The following ARPIN variants were observed in gnomAD, a reference collection of about 807,000 sequenced individuals.
ARPIN encodes actin related protein 2/3 complex inhibitor, also known as UPF0552 protein C15orf38.
Under a neutral mutation model 25.9 loss-of-function variants are expected in ARPIN, and 23 were observed. The ratio of observed to expected loss-of-function variants is 0.89; its 90% confidence interval spans 0.64 to 1.26. ARPIN has a LOEUF of 1.26. ARPIN is among the 50% of genes most tolerant of loss of function. ARPIN has a pLI of 0.00. For missense variants in ARPIN, 333 were observed against 312.2 expected, an observed-to-expected ratio of 1.07 and a Z score of -0.50; for synonymous variants, 126 against 131.4, an observed-to-expected ratio of 0.96 and a Z score of 0.28.
chr15:89,896,769 G>GA lies in ARPIN; in HGVS notation c.*5025dup, dbSNP rs1338641031. On this transcript the variant is annotated 3_prime_UTR_variant, in exon 6 of 6. Transcript: ENST00000357484. ...AAGGGAGAAATACAGCTAGGAAAAGGAAAAAATGTTTAAGCTCACTATAAG... is the reference window on the plus strand; with the variant it reads ...AAGGGAGAAATACAGCTAGGAAAAGGAAAAAAATGTTTAAGCTCACTATAAG... The GA allele has an allele frequency of 7.9e-5, 12 of 152,196 alleles. No individual in the cohort carries two copies. The highest frequency in any genetic ancestry group is 1.6e-4 in the Non-Finnish European group (11 of 67,990). The allele number at this position is 152,196 out of a possible 1,614,324, so 9.4% of individuals were successfully genotyped here. A position where few individuals can be genotyped will look rare whatever the true frequency, so the allele number is the denominator to read the frequency against.
At position 89,903,196 on chromosome 15, in the gene ARPIN, C is replaced by T. The variant is rs1897052081; in HGVS notation, c.672+20G>A. On this transcript the variant is annotated intron_variant, in intron 5 of 5. Coordinates refer to ENST00000357484, the MANE Select transcript of ARPIN (RefSeq NM_182616.4). ...ATGCTCCTGCCAGGAGATACAACTG[C>T]ACCAACACCAGGTACCTACCCACTC... 2.5e-6 allele frequency: 4 copies of T among 1,614,088 alleles called. No homozygotes were observed. The highest frequency in any genetic ancestry group is 2.5e-6 in the Non-Finnish European group (3 of 1,180,044).
At position 89,910,812 on chromosome 15, in the gene ARPIN, C is replaced by T. The variant is rs751920943; in HGVS notation, c.100G>A (p.Gly34Ser). 47 of 1,613,990 alleles carry T rather than the reference C, an allele frequency of 2.9e-5. No homozygotes were observed. In the South Asian group the frequency reaches 4.6e-4, roughly 16 times the overall value. Residue 34 changes from glycine (G) to serine (S), a missense_variant, in exon 2 of 6, where the codon GGT becomes AGT. By Grantham distance (56) the Gly-to-Ser change is moderately conservative (BLOSUM62 0). Transcript: ENST00000357484. ...WDPAAHQGGN[G>S]VLLEGELIDV... ...ATCAGTTCTCCCTCCAGCAGGACAC[C>T]ATTTCCCCTGGGGATGAAAGGGAAA...
chr15:89,908,787 G>A (rs994367835), intron 2 of ARPIN, among the ~76,000 whole-genome samples: 1 of 152,044 alleles, frequency 6.6e-6, no homozygotes, highest in Non-Finnish European at 1.5e-5. Context: ...TTCGAGACCA[G>A]CCTGGCCAGC....
rs772920515 is a variant in ARPIN, at chr15:89,910,728, G to T, written c.168+16C>A. The T allele has an allele frequency of 1.2e-6, 2 of 1,614,026 alleles. No individual in the cohort carries two copies. Among genetic ancestry groups the T allele is most frequent in the South Asian group, 2.2e-5 (2 of 91,070 alleles). ...AAGTCAGTGCCCTCTAGCTAGCACC[G>T]AGGAAGCATCCTCACCTTCCTGCCA... On this transcript the variant is annotated intron_variant, in intron 2 of 5. Coordinates refer to ENST00000357484, the MANE Select transcript of ARPIN (RefSeq NM_182616.4).
rs1401242709 is a variant in ARPIN, at chr15:89,895,699, G to C, written c.*6096C>G. On this transcript the variant is annotated 3_prime_UTR_variant, in exon 6 of 6. Coordinates refer to ENST00000357484, the MANE Select transcript of ARPIN (RefSeq NM_182616.4). ...CAAGTTTTCCTTTTTTTCCTTCAAA[G>C]AAATATGTACTACTTTTGCAGCCAG... is the stretch of plus-strand genomic sequence containing the variant. 2 of 152,196 alleles carry C rather than the reference G, an allele frequency of 1.3e-5. No homozygotes were observed. The highest frequency in any genetic ancestry group is 6.5e-5 in the Admixed American group (1 of 15,278). The allele number at this position is 152,196 out of a possible 1,614,324, so 9.4% of individuals were successfully genotyped here. A position where few individuals can be genotyped will look rare whatever the true frequency, so the allele number is the denominator to read the frequency against.
chr15:89,903,150 C>T, intron 5 of ARPIN, 66 bp downstream of exon 5: 1 of 1,614,090 alleles, frequency 6.2e-7, no homozygotes, highest in Non-Finnish European at 8.5e-7. Flanking sequence ...ATCCTACCCA[C>T]AACCTCAACC....
chr15:89,912,658 C>T, intron 1 of ARPIN, 86 bp downstream of exon 1: 1 of 1,165,998 alleles, frequency 8.6e-7, no homozygotes, highest in Non-Finnish European at 1.1e-6. Context: ...TTTCCCCCAC[C>T]CGCATCCCAC....
chr15:89,912,732 G>T lies in ARPIN; in HGVS notation c.92+12C>A. 1 of 1,405,540 alleles carries T rather than the reference G, an allele frequency of 7.1e-7. No individual in the cohort carries two copies. Among genetic ancestry groups the T allele is most frequent in the Non-Finnish European group, 9.3e-7 (1 of 1,079,346 alleles). 87.1% of individuals were successfully genotyped at this position (1,405,540 alleles called of 1,614,324 possible). A position where few individuals can be genotyped will look rare whatever the true frequency, so the allele number is the denominator to read the frequency against. Reference sequence around the variant, plus strand: ...AGGGGAGGCCGACCCGAGGCCGTGAGCCCAGGCCTACCCCTGGTGGGCGGC... The same window carrying T: ...AGGGGAGGCCGACCCGAGGCCGTGATCCCAGGCCTACCCCTGGTGGGCGGC... On this transcript the variant is annotated intron_variant, in intron 1 of 5. Coordinates refer to ENST00000357484, the MANE Select transcript of ARPIN (RefSeq NM_182616.4).
rs1173131438 is a variant in ARPIN at position 89,912,741 on chromosome 15, TA to T, written c.92+2del. ...CGACCCGAGGCCGTGAGCCCAGGCC[TA>T]CCCCTGGTGGGCGGCGGGGTCCCAG... On this transcript the variant is annotated splice_donor_variant, in intron 1 of 5. Transcript: ENST00000357484. LOFTEE classifies it high-confidence loss of function. 9 of 1,244,518 alleles carry T rather than the reference TA, an allele frequency of 7.2e-6. No homozygotes were observed. Among genetic ancestry groups the T allele is most frequent in the Admixed American group, 6.5e-5 (2 of 30,954 alleles). 77.1% of individuals were successfully genotyped at this position (1,244,518 alleles called of 1,614,324 possible). A position where few individuals can be genotyped will look rare whatever the true frequency, so the allele number is the denominator to read the frequency against.
At position 89,900,089 on chromosome 15, in the gene ARPIN, C is replaced by A. The variant is rs2141916070; in HGVS notation, c.*1706G>T. 6.6e-6 allele frequency: 1 copy of A among 152,352 alleles called. No homozygotes were observed. The highest frequency in any genetic ancestry group is 2.1e-4 in the South Asian group (1 of 4,828). 9.4% of individuals were successfully genotyped at this position (152,352 alleles called of 1,614,324 possible). On this transcript the variant is annotated 3_prime_UTR_variant, in exon 6 of 6. Transcript: ENST00000357484. ...GTCTAAAGACACTGGGTGACTCTACCCCCAGTCAGTGTCCCCAGCTATCCT... is the reference window on the plus strand; with the variant it reads ...GTCTAAAGACACTGGGTGACTCTACACCCAGTCAGTGTCCCCAGCTATCCT...
chr15:89,911,007 G>T (rs1157078454), intron 1 of ARPIN, among the ~76,000 whole-genome samples, 188 bp from the exon 2 acceptor site: 3 of 152,184 alleles, frequency 2.0e-5, no homozygotes, highest in Admixed American at 2.0e-4. Flanking sequence ...GAGGAACCTT[G>T]TCAGGCTGCC....
intron 3 of ARPIN, among the ~76,000 whole-genome samples, chr15:89,907,591 T>A (rs912225226): frequency 1.8e-4 from 28 of 152,244 alleles, no homozygotes; most frequent in African/African-American, 6.5e-4. Flanking sequence ...GGACACTGAA[T>A]CTGCTGGCAC....
intron 2 of ARPIN, 95 bp downstream of exon 2, chr15:89,910,649 C>A: frequency 6.6e-7 from 1 of 1,505,620 alleles, no homozygotes; most frequent in South Asian, 1.2e-5. Context: ...AATCCCAACT[C>A]ATGGCACTGG....
chr15:89,901,416 C>T lies in ARPIN; in HGVS notation c.*379G>A, dbSNP rs180751413. The T allele has an allele frequency of 3.9e-3, 985 of 251,876 alleles. 7 individuals are homozygous for T. The highest frequency in any genetic ancestry group is 4.2e-3 in the Non-Finnish European group (552 of 130,382). The allele number at this position is 251,876 out of a possible 1,614,324, so 15.6% of individuals were successfully genotyped here. A position where few individuals can be genotyped will look rare whatever the true frequency, so the allele number is the denominator to read the frequency against. On this transcript the variant is annotated 3_prime_UTR_variant, in exon 6 of 6. Coordinates refer to ENST00000357484, the MANE Select transcript of ARPIN (RefSeq NM_182616.4). Reference sequence around the variant, plus strand: ...ACATGAGGCTGGGTGCAGTGGCTCACGCCTGTAATCCCAACACCTTGGGAG... The same window carrying T: ...ACATGAGGCTGGGTGCAGTGGCTCATGCCTGTAATCCCAACACCTTGGGAG...
intron 2 of ARPIN, 29 bp from the exon 3 acceptor site, chr15:89,908,441 G>A: frequency 6.2e-7 from 1 of 1,612,340 alleles, no homozygotes; most frequent in African/African-American, 1.3e-5. Context: ...AGAGTGAGGG[G>A]GCGGCTTCAT....
chr15:89,905,341 C>T (rs1897101237), intron 3 of ARPIN, among the ~76,000 whole-genome samples: 1 of 151,978 alleles, frequency 6.6e-6, no homozygotes, highest in South Asian at 2.1e-4. Context: ...CGTCTGACCA[C>T]ACAAAACATC....
intron 4 of ARPIN, 84 bp downstream of exon 4, chr15:89,903,693 C>T (rs1363985694): frequency 2.5e-6 from 4 of 1,569,464 alleles, no homozygotes; most frequent in Non-Finnish European, 2.6e-6. Context: ...TGCCTGCTCC[C>T]ATGAGCTCTA....
chr15:89,902,810 C>A, intron 5 of ARPIN: 1 of 1,100,662 alleles, frequency 9.1e-7, no homozygotes, highest in Non-Finnish European at 1.1e-6. Context: ...ACCAGGTCAG[C>A]CATTCTCCAG....
chr15:89,908,085 G>T (rs1406719230), intron 3 of ARPIN, among the ~76,000 whole-genome samples, 195 bp downstream of exon 3: 1 of 152,140 alleles, frequency 6.6e-6, no homozygotes, highest in Non-Finnish European at 1.5e-5. Flanking sequence ...CTGGAATGGA[G>T]GGGAGGGAAC....
Sources: allele counts gnomAD v4.1 joint callset (sites outside exome capture counted in the v4.1 genomes callset), GRCh38; gene constraint gnomAD v4.1.1; transcripts MANE v1.5; gene names NCBI Gene and HGNC (gene_info 2026-07-23, HGNC 2026-07-21).